USP9Y: variants seen among roughly 807,000 people sequenced by gnomAD.
USP9Y encodes ubiquitin carboxyl-terminal hydrolase 9Y.
Under a neutral mutation model 53.1 loss-of-function variants are expected in USP9Y, and 41 were observed. The ratio of observed to expected loss-of-function variants is 0.77; its 90% CI spans 0.60 to 1.00. USP9Y has a LOEUF of 1.00. Among genes scored for constraint, USP9Y ranks in the 50% least tolerant of loss-of-function variants. The pLI is 0.00. For synonymous variants in USP9Y, 220 were observed against 173.7 expected (o/e 1.27, Z -2.09); for missense variants, 567 against 535.8 (o/e 1.06, Z -0.58).
intron 15 of USP9Y, among the ~76,000 whole-genome samples, chrY:12,760,961 T>G (rs2053474860): frequency 2.9e-5 from 1 of 34,128 alleles, no homozygotes; most frequent in Admixed American, 2.6e-4. Flanking sequence ...GTCATTACGC[T>G]TTTGCTCTTT....
intron 7 of USP9Y, among the ~76,000 whole-genome samples, chrY:12,732,903 T>G: frequency 3.0e-5 from 1 of 33,140 alleles, no homozygotes; most frequent in Non-Finnish European, 7.5e-5. Context: ...GACTTTTTCT[T>G]AAATTATTTT....
intron 1 of USP9Y, among the ~76,000 whole-genome samples, chrY:12,703,766 C>G (rs767074030): frequency 2.1e-3 from 70 of 33,644 alleles, no homozygotes; most frequent in Middle Eastern, 0.014. Context: ...CTGATTGGTT[C>G]ATTTTACGGA....
At chrY:12,781,951 A>G in intron 22 of USP9Y, among the ~76,000 whole-genome samples, 2 of 33,382 alleles carry the variant, frequency 6.0e-5, no homozygotes, top group Non-Finnish European at 1.5e-4. Flanking sequence ...AAGGGAAAAT[A>G]CTTTCCAGAA....
Position 12,843,201 on chromosome Y carries a change from T to C in USP9Y, c.6568+8T>C. 1 of 359,622 alleles carries C rather than the reference T, an allele frequency of 2.8e-6. No homozygotes were observed. The highest frequency in any genetic ancestry group is 4.0e-6 in the Non-Finnish European group (1 of 250,320). 89.7% of individuals were successfully genotyped at this position (359,622 alleles called of 400,897 possible). A position where few individuals can be genotyped will look rare whatever the true frequency, so the allele number is the denominator to read the frequency against. On this transcript the variant is annotated splice_region_variant and intron_variant, in intron 39 of 45. Transcript: ENST00000338981. ...TAATGTATGCCAATTTAGGTAAGAA[T>C]TTTTCACAACTATATTAATGATTGT...
At chrY:12,771,224 T>C in intron 16 of USP9Y, 69 bp downstream of exon 16, 2 of 241,853 alleles carry the variant, frequency 8.3e-6, no homozygotes, top group Non-Finnish European at 1.3e-5. Flanking sequence ...GGTTATTCTG[T>C]ATTTATTTTT....
chrY:12,772,731 C>T, intron 16 of USP9Y, among the ~76,000 whole-genome samples: 1 of 20,108 alleles, frequency 5.0e-5, no homozygotes, highest in Non-Finnish European at 1.1e-4. Context: ...TGCCACTACA[C>T]TCCAGACTGG....
At chrY:12,814,082 CTGAGATTACATGTGTGAGTAACTACT>C (rs2053533747) in intron 31 of USP9Y, among the ~76,000 whole-genome samples, 1 of 33,737 alleles carries the variant, frequency 3.0e-5, no homozygotes, top group Non-Finnish European at 7.4e-5. Flanking sequence ...TCCCAAAGCG[CTGAGATTACATGTGTGAGTAACTACT>C]TGAGATTACA....
chrY:12,749,333 T>A, intron 12 of USP9Y, among the ~76,000 whole-genome samples: 1 of 32,939 alleles, frequency 3.0e-5, no homozygotes, highest in African/African-American at 1.2e-4. Flanking sequence ...AGAAGAGGCA[T>A]CCCTCAGTCT....
chrY:12,847,561 T>C (rs935008377), intron 42 of USP9Y, among the ~76,000 whole-genome samples: 3 of 32,155 alleles, frequency 9.3e-5, no homozygotes, highest in Admixed American at 2.9e-4. Context: ...ACATGTGCCA[T>C]GTTGGTTTAC....
intron 32 of USP9Y, among the ~76,000 whole-genome samples, chrY:12,818,020 T>C: frequency 3.0e-5 from 1 of 33,531 alleles, no homozygotes; most frequent in African/African-American, 1.2e-4. Context: ...TGTTAATAAT[T>C]GTGATAACAT....
At chrY:12,810,558 A>G in intron 28 of USP9Y, 114 bp from the exon 29 acceptor site, 7 of 229,011 alleles carry the variant, frequency 3.1e-5, no homozygotes, top group African/African-American at 1.6e-4. Context: ...AATATAGTAC[A>G]TCTTTGTCAT....
chrY:12,758,778 A>T, intron 14 of USP9Y, 136 bp downstream of exon 14: 1 of 133,567 alleles, frequency 7.5e-6, no homozygotes, highest in Non-Finnish European at 1.4e-5. Flanking sequence ...TTACAACAAA[A>T]TAAGGATACT....
intron 35 of USP9Y, among the ~76,000 whole-genome samples, chrY:12,838,534 T>G: frequency 3.1e-5 from 1 of 32,751 alleles, no homozygotes; most frequent in East Asian, 7.9e-4. Flanking sequence ...CAGGTTGGAG[T>G]GCAATGGTGT....
At chrY:12,738,960 C>G (rs2053454590) in intron 11 of USP9Y, among the ~76,000 whole-genome samples, 1 of 33,589 alleles carries the variant, frequency 3.0e-5, no homozygotes, top group Non-Finnish European at 7.4e-5. Context: ...ATAGAAGAAA[C>G]AAATGTCACG....
chrY:12,840,320 T>C lies in USP9Y; in HGVS notation c.5794T>C (p.Phe1932Leu). 2.5e-6 allele frequency: 1 copy of C among 398,463 alleles called. No homozygotes were observed. Among genetic ancestry groups the C allele is most frequent in the Admixed American group, 7.5e-5 (1 of 13,414 alleles). The change falls in exon 36 of 46, where the codon TTT (phenylalanine) becomes CTT (leucine). Residue 1932 changes from phenylalanine to leucine, a missense_variant. Transcript: ENST00000338981. ...CFGGEYMGEV[F>L]DHMMKRMSYR... ...TGGTGGAGAGTACATGGGAGAAGTA[T>C]TTGATCACATGATGAAGCGCATGTC...
At chrY:12,764,342 A>G in intron 15 of USP9Y, among the ~76,000 whole-genome samples, 1 of 33,536 alleles carries the variant, frequency 3.0e-5, no homozygotes, top group South Asian at 6.6e-4. Context: ...GAAAAAAACA[A>G]TAGATGATAA....
intron 42 of USP9Y, among the ~76,000 whole-genome samples, chrY:12,855,248 G>A: frequency 5.9e-5 from 2 of 34,045 alleles, no homozygotes; most frequent in South Asian, 1.3e-3. Context: ...ATATTTGTTT[G>A]TAACTTTTTT....
At chrY:12,836,213 G>C in intron 34 of USP9Y, among the ~76,000 whole-genome samples, 1 of 33,293 alleles carries the variant, frequency 3.0e-5, no homozygotes, top group Non-Finnish European at 7.4e-5. Flanking sequence ...TTACACATTA[G>C]GAAAGTGTTT....
intron 38 of USP9Y, among the ~76,000 whole-genome samples, chrY:12,842,776 A>G: frequency 2.4e-4 from 8 of 33,433 alleles, no homozygotes; most frequent in African/African-American, 9.3e-4. Context: ...AAACACTGTA[A>G]CATGAAATTG....
Sources: gnomAD v4.1 joint callset for allele counts (sites outside exome capture counted in the v4.1 genomes callset) on GRCh38, gnomAD v4.1.1 for gene constraint, MANE v1.5 for transcripts, NCBI Gene and HGNC (gene_info 2026-07-23, HGNC 2026-07-21) for gene names.